The following MCTP2 variants were observed in gnomAD, a reference collection of about 807,000 sequenced individuals.
The protein encoded by MCTP2 is multiple C2 and transmembrane domain containing 2.
Under a neutral mutation model 111.6 loss-of-function variants are expected in MCTP2, and 132 were observed. The observed-to-expected ratio is 1.18, with a 90% CI of 1.03 to 1.37. The LOEUF (loss-of-function observed/expected upper bound fraction) is 1.37. Ranked by LOEUF, MCTP2 falls within the 40% of genes most tolerant of loss-of-function variation. The pLI is 0.00. For missense variants in MCTP2, 1,183 were observed against 1,067.9 expected (o/e 1.11, Z -1.50); for synonymous variants, 395 against 387.7 (o/e 1.02, Z -0.22).
At chr15:94,252,870 T>C (rs1440221643) in intron 1 of MCTP2, among the ~76,000 whole-genome samples, 1 of 152,210 alleles carries the variant, frequency 6.6e-6, no homozygotes, top group Admixed American at 6.5e-5. Flanking sequence ...AATTTCTACT[T>C]ATTTATAAAT....
intron 20 of MCTP2, among the ~76,000 whole-genome samples, chr15:94,461,594 C>G (rs2085212877): frequency 1.3e-5 from 2 of 152,094 alleles, no homozygotes; most frequent in Non-Finnish European, 2.9e-5. Flanking sequence ...CCTTGAGTGG[C>G]TAGGGAAATC....
rs758767586 is a variant in MCTP2 at position 94,367,834 on chromosome 15, T to G, written c.1488+43T>G. The G allele has an allele frequency of 2.0e-6, 3 of 1,508,734 alleles. No individual in the cohort carries two copies. In the East Asian group the frequency reaches 7.1e-5, roughly 36 times the overall value. The allele number at this position is 1,508,734 out of a possible 1,614,324, so 93.5% of individuals were successfully genotyped here. On this transcript the variant is annotated intron_variant, in intron 11 of 22. Transcript: ENST00000357742. Reference sequence around the variant, plus strand: ...TTGTACACTCCCCCTCCTCCCACCTTCTCTTTTAAAACAAAGTCTTTATTG... The same window carrying G: ...TTGTACACTCCCCCTCCTCCCACCTGCTCTTTTAAAACAAAGTCTTTATTG...
At chr15:94,412,919 A>G (rs950384874) in intron 17 of MCTP2, among the ~76,000 whole-genome samples, 1 of 152,210 alleles carries the variant, frequency 6.6e-6, no homozygotes. Flanking sequence ...AAAAAAAATT[A>G]GCCGACTGTG....
intron 1 of MCTP2, among the ~76,000 whole-genome samples, chr15:94,274,633 C>G (rs540622471): frequency 3.9e-5 from 6 of 152,010 alleles, no homozygotes; most frequent in African/African-American, 1.2e-4. Context: ...CAAACTCCCC[C>G]CTCCCCACAA....
In MCTP2 at chr15:94,298,747, G is replaced by A; in HGVS notation, c.465+17G>A. The A allele has an allele frequency of 6.6e-7, 1 of 1,519,242 alleles. No homozygotes were observed. Among genetic ancestry groups the A allele is most frequent in the Non-Finnish European group, 8.8e-7 (1 of 1,134,590 alleles). 94.1% of individuals were successfully genotyped at this position (1,519,242 alleles called of 1,614,324 possible). A position where few individuals can be genotyped will look rare whatever the true frequency, so the allele number is the denominator to read the frequency against. Reference sequence around the variant, plus strand: ...GAGCCAGAGGTGAGAATAGGGCTGGGCTCTCTTTTTTTTTGTCTCTCTCTC... The same window carrying A: ...GAGCCAGAGGTGAGAATAGGGCTGGACTCTCTTTTTTTTTGTCTCTCTCTC... On this transcript the variant is annotated intron_variant, in intron 2 of 22. Coordinates refer to ENST00000357742, the MANE Select transcript of MCTP2 (RefSeq NM_001385001.1).
chr15:94,342,096 C>A (rs1369312421), intron 7 of MCTP2: 1 of 152,032 alleles, frequency 6.6e-6, no homozygotes, highest in Non-Finnish European at 1.5e-5. Flanking sequence ...GACAACTTGC[C>A]AGCTGATATC....
intron 14 of MCTP2, among the ~76,000 whole-genome samples, chr15:94,391,483 G>C (rs2080972837): frequency 6.6e-6 from 1 of 152,208 alleles, no homozygotes. Flanking sequence ...TTCCATGTAA[G>C]TCAAGTTGGT....
At chr15:94,396,441 T>G (rs1042946584) in intron 14 of MCTP2, among the ~76,000 whole-genome samples, 6 of 151,748 alleles carry the variant, frequency 4.0e-5, no homozygotes, top group African/African-American at 1.2e-4. Flanking sequence ...GACGTGGAAT[T>G]GTGTGTGTGT....
chr15:94,376,685 G>A (rs1191155370), intron 12 of MCTP2, among the ~76,000 whole-genome samples: 1 of 152,132 alleles, frequency 6.6e-6, no homozygotes, highest in Non-Finnish European at 1.5e-5. Context: ...TTTAGATCAT[G>A]TTAGACATAT....
At chr15:94,322,237 C>G (rs1285286853) in intron 4 of MCTP2, among the ~76,000 whole-genome samples, 1 of 151,952 alleles carries the variant, frequency 6.6e-6, no homozygotes, top group Non-Finnish European at 1.5e-5. Context: ...GTGTTGCAAC[C>G]TTGACCATGG....
chr15:94,324,469 A>T (rs1227141153), intron 4 of MCTP2, among the ~76,000 whole-genome samples: 2 of 152,234 alleles, frequency 1.3e-5, no homozygotes, highest in Non-Finnish European at 2.9e-5. Flanking sequence ...TCGCTGTCAC[A>T]TTACTAGGGC....
At chr15:94,265,917 G>T (rs2073494026) in intron 1 of MCTP2, among the ~76,000 whole-genome samples, 1 of 152,116 alleles carries the variant, frequency 6.6e-6, no homozygotes, top group Non-Finnish European at 1.5e-5. Context: ...GAAAGCTCAC[G>T]CTGGGAGTGT....
At chr15:94,290,044 G>C (rs2074961279) in intron 1 of MCTP2, among the ~76,000 whole-genome samples, 1 of 152,018 alleles carries the variant, frequency 6.6e-6, no homozygotes, top group African/African-American at 2.4e-5. Context: ...GCTAAGATCA[G>C]TCCTTAGCTG....
chr15:94,364,187 GT>G (rs34787892), intron 10 of MCTP2, among the ~76,000 whole-genome samples: 57 of 151,394 alleles, frequency 3.8e-4, no homozygotes, highest in Non-Finnish European at 6.8e-4. Context: ...GTAAATAAAG[GT>G]TTTTTTTGGG....
At position 94,481,855 on chromosome 15, in the gene MCTP2, T is replaced by C. The variant is rs1015978618; in HGVS notation, c.*2821T>C. On this transcript the variant is annotated 3_prime_UTR_variant, in exon 23 of 23. Transcript: ENST00000357742. ...TTATTTTTCTTTCTCTGCCTTTTCA[T>C]GTGCTGCTTTCAGAACAGAGGGCTG... 2 of 152,266 alleles carry C rather than the reference T, an allele frequency of 1.3e-5. No homozygotes were observed. Among genetic ancestry groups the C allele is most frequent in the East Asian group, 3.8e-4 (2 of 5,200 alleles). The allele number at this position is 152,266 out of a possible 1,614,324, so 9.4% of individuals were successfully genotyped here.
At chr15:94,409,338 T>C (rs2082048649) in intron 17 of MCTP2, among the ~76,000 whole-genome samples, 1 of 152,136 alleles carries the variant, frequency 6.6e-6, no homozygotes, top group Middle Eastern at 3.2e-3. Context: ...AGCCTGCAGA[T>C]GGCCTATTGT....
chr15:94,422,756 A>G (rs902570850), intron 17 of MCTP2, among the ~76,000 whole-genome samples: 1 of 152,188 alleles, frequency 6.6e-6, no homozygotes, highest in African/African-American at 2.4e-5. Context: ...GCACTGTTGG[A>G]TATTTTACCA....
intron 1 of MCTP2, among the ~76,000 whole-genome samples, chr15:94,255,695 G>A (rs1444479440): frequency 6.6e-6 from 1 of 152,140 alleles, no homozygotes; most frequent in African/African-American, 2.4e-5. Flanking sequence ...ACCAGCAGAA[G>A]CCGTGGTCAA....
chr15:94,235,197 T>C (rs906957244), intron 1 of MCTP2, among the ~76,000 whole-genome samples: 2 of 150,480 alleles, frequency 1.3e-5, no homozygotes, highest in African/African-American at 4.9e-5. Flanking sequence ...GTTGCAGCAG[T>C]GAGCCAAGAT....
Sources: gnomAD v4.1 joint callset for allele counts (sites outside exome capture counted in the v4.1 genomes callset) on GRCh38, gnomAD v4.1.1 for gene constraint, MANE v1.5 for transcripts, NCBI Gene and HGNC (gene_info 2026-07-23, HGNC 2026-07-21) for gene names.